The following AGTPBP1 variants were observed in gnomAD, a reference collection of about 807,000 sequenced individuals.
AGTPBP1 encodes ATP/GTP binding carboxypeptidase 1, also known as cytosolic carboxypeptidase 1.
AGTPBP1 carries 70 observed loss-of-function variants against 143.9 expected under a neutral mutation model. The observed-to-expected ratio is 0.49, with a 90% CI of 0.40 to 0.59. The LOEUF (loss-of-function observed/expected upper bound fraction) is 0.59. AGTPBP1 is among the 20% of genes least tolerant of loss of function. AGTPBP1 has a pLI of 0.00. For synonymous variants in AGTPBP1, 463 were observed against 500.2 expected (o/e 0.93, Z 0.99); for missense variants, 1,229 against 1,464.5 (o/e 0.84, Z 2.62).
chr9:85,693,664 C>G (rs561891703), intron 2 of AGTPBP1, among the ~76,000 whole-genome samples: 6 of 152,062 alleles, frequency 3.9e-5, no homozygotes, highest in Non-Finnish European at 7.4e-5. Context: ...GTAAACAAAA[C>G]AAGCAAAAAC....
In AGTPBP1 at chr9:85,554,750, C is replaced by G. The variant is rs901939746; in HGVS notation, c.3504-7464G>C. 4.6e-5 allele frequency among the ~76,000 whole-genome samples: 7 copies of G among 152,218 alleles called. No homozygotes were observed. The East Asian group carries it at 1.4e-3, about 29-fold the overall frequency. ...AAGAAATAGAAACAGGAAAAATATT[C>G]CAACAGAAACAGACCCAAAGGTAGT... On this transcript the variant is annotated intron_variant, in intron 25 of 25. Transcript: ENST00000357081.
intron 25 of AGTPBP1, among the ~76,000 whole-genome samples, chr9:85,573,658 G>A (rs1190141020): frequency 5.9e-5 from 9 of 151,516 alleles, no homozygotes; most frequent in African/African-American, 2.2e-4. Flanking sequence ...TAGGAAGTGA[G>A]GAGAGCCTCT....
At chr9:85,614,073 A>G (rs1332234725) in intron 17 of AGTPBP1, among the ~76,000 whole-genome samples, 1 of 152,082 alleles carries the variant, frequency 6.6e-6, no homozygotes, top group South Asian at 2.1e-4. Flanking sequence ...TTTTATTTTT[A>G]GAAATAGAAA....
chr9:85,619,968 C>T (rs541813662), intron 15 of AGTPBP1, among the ~76,000 whole-genome samples: 1 of 152,242 alleles, frequency 6.6e-6, no homozygotes, highest in East Asian at 1.9e-4. Context: ...CCACTTCTGC[C>T]TGTCTTATCT....
intron 1 of AGTPBP1, among the ~76,000 whole-genome samples, chr9:85,736,730 C>T (rs1363310163): frequency 6.6e-6 from 1 of 152,182 alleles, no homozygotes; most frequent in African/African-American, 2.4e-5. Context: ...AAGTTCAAAA[C>T]TATTTGTATA....
At chr9:85,781,493 T>G in the AGTPBP1 span, 4 of 1,089,688 alleles carry the variant, frequency 3.7e-6, no homozygotes, top group Non-Finnish European at 4.9e-6. Context: ...TATTTGTCTC[T>G]GTAAACAAAA....
chr9:85,634,977 A>G (rs143169941), intron 13 of AGTPBP1, among the ~76,000 whole-genome samples: 86 of 152,340 alleles, frequency 5.6e-4, no homozygotes, highest in East Asian at 2.1e-3. Context: ...CTAATGTGGT[A>G]GATAAGAAAT....
At chr9:85,710,901 CT>C (rs1837323232) in intron 2 of AGTPBP1, among the ~76,000 whole-genome samples, 1 of 151,916 alleles carries the variant, frequency 6.6e-6, no homozygotes, top group Non-Finnish European at 1.5e-5. Flanking sequence ...TAAAAAGATC[CT>C]TTTTAAAATA....
chr9:85,684,809 C>G (rs1233511291), intron 3 of AGTPBP1, among the ~76,000 whole-genome samples: 1 of 152,024 alleles, frequency 6.6e-6, no homozygotes, highest in African/African-American at 2.4e-5. Flanking sequence ...CTTTCTTTAA[C>G]AGCTTCAATT....
the AGTPBP1 span, among the ~76,000 whole-genome samples, chr9:85,759,886 A>G: frequency 1.3e-5 from 2 of 152,188 alleles, no homozygotes; most frequent in Non-Finnish European, 2.9e-5. Context: ...ACTAATAAAG[A>G]AGAAAAGAGA....
intron 25 of AGTPBP1, among the ~76,000 whole-genome samples, chr9:85,561,064 A>T (rs906981693): frequency 1.3e-5 from 2 of 152,204 alleles, no homozygotes; most frequent in African/African-American, 4.8e-5. Flanking sequence ...CATAAAAGCA[A>T]CTTAGCCTTA....
At chr9:85,629,047 T>G (rs181582230) in intron 14 of AGTPBP1, among the ~76,000 whole-genome samples, 161 of 152,302 alleles carry the variant, frequency 1.1e-3, no homozygotes, top group Middle Eastern at 3.4e-3. Context: ...AGGTTTTTTG[T>G]GTTTGTTTCC....
chr9:85,689,945 T>TATATATATATATA (rs1486313965), intron 3 of AGTPBP1, among the ~76,000 whole-genome samples: 1 of 126,694 alleles, frequency 7.9e-6, no homozygotes, highest in African/African-American at 2.9e-5. Context: ...TATATATATA[T>TATATATATATATA]ATCTTAAAGT....
At chr9:85,661,078 A>G (rs893870641) in intron 8 of AGTPBP1, 105 bp from the exon 9 acceptor site, 2 of 957,860 alleles carry the variant, frequency 2.1e-6, no homozygotes, top group Admixed American at 3.1e-5. Context: ...TCTATTATCT[A>G]TTCCAAAGTT....
rs148298775 is a variant in AGTPBP1, at chr9:85,678,464, T to C, written c.226-66A>G. ...TTGATTCCCAGACTTTTGAATCCAC[T>C]GGGAACTACCTATATTTTACAAATG... On this transcript the variant is annotated intron_variant, in intron 4 of 25. Transcript: ENST00000357081. The C allele has an allele frequency of 1.4e-3, 1,445 of 1,026,054 alleles. 9 individuals carry two copies. The highest frequency in any genetic ancestry group is 0.012 in the African/African-American group (740 of 62,008). 63.6% of individuals were successfully genotyped at this position (1,026,054 alleles called of 1,614,324 possible).
chr9:85,626,602 C>T lies in AGTPBP1; in HGVS notation c.2016-5317G>A, dbSNP rs574681316. 5.3e-5 allele frequency among the ~76,000 whole-genome samples: 8 copies of T among 152,226 alleles called. 1 individual carries two copies. Among genetic ancestry groups the T allele is most frequent in the African/African-American group, 1.7e-4 (7 of 41,546 alleles). On this transcript the variant is annotated intron_variant, in intron 14 of 25. Transcript: ENST00000357081. ...AGCACTTCTGAGTACTTTGGAAATA[C>T]CTTTAACCTGAACTATATTTGATAT...
intron 17 of AGTPBP1, among the ~76,000 whole-genome samples, chr9:85,614,722 T>A (rs1830506848): frequency 6.6e-6 from 1 of 152,116 alleles, no homozygotes; most frequent in Admixed American, 6.6e-5. Flanking sequence ...AACACAGTGG[T>A]ACTAGATCAA....
intron 14 of AGTPBP1, among the ~76,000 whole-genome samples, chr9:85,628,611 A>G (rs547777482): frequency 2.3e-4 from 35 of 152,198 alleles, no homozygotes; most frequent in Non-Finnish European, 4.0e-4. Context: ...GACGTGGATC[A>G]CTCGATTCTC....
At chr9:85,720,057 G>A (rs540680643) in intron 1 of AGTPBP1, among the ~76,000 whole-genome samples, 2 of 152,302 alleles carry the variant, frequency 1.3e-5, no homozygotes, top group East Asian at 3.9e-4. Context: ...GCTGGATTCA[G>A]TTTGCCAGTA....
Sources: allele counts gnomAD v4.1 joint callset (sites outside exome capture counted in the v4.1 genomes callset), GRCh38; gene constraint gnomAD v4.1.1; transcripts MANE v1.5; gene names NCBI Gene and HGNC (gene_info 2026-07-23, HGNC 2026-07-21).